PPP2R2B: variants seen among roughly 807,000 people sequenced by gnomAD.
The protein encoded by PPP2R2B is serine/threonine-protein phosphatase 2A 55 kDa regulatory subunit B beta isoform.
PPP2R2B carries 5 observed loss-of-function variants against 46.0 expected under a neutral mutation model. The ratio of observed to expected loss-of-function variants is 0.11; its 90% CI spans 0.06 to 0.23. The LOEUF (loss-of-function observed/expected upper bound fraction) is 0.23, where lower values mean the gene tolerates loss of function less well. Among genes scored for constraint, PPP2R2B ranks in the 10% least tolerant of loss-of-function variants. The pLI is 1.00. For synonymous variants in PPP2R2B, 215 were observed against 206.7 expected (o/e 1.04, Z -0.34); for missense variants, 367 against 575.0 (o/e 0.64, Z 3.70).
intron 2 of PPP2R2B, among the ~76,000 whole-genome samples, chr5:146,807,119 G>A (rs1757224594): frequency 6.6e-6 from 1 of 152,170 alleles, no homozygotes; most frequent in Non-Finnish European, 1.5e-5. Flanking sequence ...AACTGAATCT[G>A]AACTTGCATT....
chr5:146,915,234 A>T (rs925875047), intron 1 of PPP2R2B, among the ~76,000 whole-genome samples: 10 of 152,098 alleles, frequency 6.6e-5, no homozygotes, highest in African/African-American at 2.2e-4. Flanking sequence ...CCAGGAAAAA[A>T]TTTTTAAAAT....
At chr5:146,902,857 T>C (rs1485982223) in intron 1 of PPP2R2B, among the ~76,000 whole-genome samples, 2 of 152,234 alleles carry the variant, frequency 1.3e-5, no homozygotes, top group African/African-American at 4.8e-5. Context: ...TTTCTAATTA[T>C]TTTCAATGCA....
chr5:146,656,945 T>G (rs1776373817), intron 5 of PPP2R2B, among the ~76,000 whole-genome samples: 1 of 152,180 alleles, frequency 6.6e-6, no homozygotes, highest in Non-Finnish European at 1.5e-5. Context: ...CCTCTCCTCT[T>G]GGGAAATACC....
chr5:146,754,023 A>G (rs907882178), intron 2 of PPP2R2B, among the ~76,000 whole-genome samples: 1 of 152,072 alleles, frequency 6.6e-6, no homozygotes, highest in South Asian at 2.1e-4. Context: ...AGACAGGATA[A>G]TTTCTCATCA....
chr5:146,701,396 C>G (rs1779529520), intron 2 of PPP2R2B, among the ~76,000 whole-genome samples: 3 of 152,158 alleles, frequency 2.0e-5, no homozygotes, highest in Non-Finnish European at 1.5e-5. Flanking sequence ...CATTTATACC[C>G]TTTTAAGGAA....
At chr5:146,864,728 C>T (rs1003528618) in intron 2 of PPP2R2B, among the ~76,000 whole-genome samples, 1 of 152,138 alleles carries the variant, frequency 6.6e-6, no homozygotes, top group Admixed American at 6.6e-5. Context: ...GTCGAAGTAC[C>T]TGGAGCTTTG....
intron 2 of PPP2R2B, among the ~76,000 whole-genome samples, chr5:146,872,141 C>T (rs1761650490): frequency 6.6e-6 from 1 of 152,126 alleles, no homozygotes; most frequent in Non-Finnish European, 1.5e-5. Context: ...ATTATTCACC[C>T]CAGGATCATT....
intron 7 of PPP2R2B, among the ~76,000 whole-genome samples, chr5:146,632,826 A>C (rs1399114159): frequency 1.3e-5 from 2 of 152,142 alleles, no homozygotes; most frequent in Non-Finnish European, 2.9e-5. Flanking sequence ...AAAGGCCCTG[A>C]GGTGGGAAAG....
At chr5:146,697,527 T>C (rs1404823578) in intron 4 of PPP2R2B, among the ~76,000 whole-genome samples, 1 of 152,244 alleles carries the variant, frequency 6.6e-6, no homozygotes, top group Non-Finnish European at 1.5e-5. Flanking sequence ...GCTCCTATCA[T>C]AGAAGTTAAT....
intron 2 of PPP2R2B, among the ~76,000 whole-genome samples, chr5:146,723,994 G>C (rs1052561022): frequency 1.3e-5 from 2 of 152,092 alleles, no homozygotes; most frequent in African/African-American, 4.8e-5. Context: ...TTGAAGGCAG[G>C]GATGTTATCT....
chr5:146,893,882 G>A (rs1762563349), intron 1 of PPP2R2B, among the ~76,000 whole-genome samples: 2 of 121,300 alleles, frequency 1.6e-5, no homozygotes, highest in African/African-American at 6.2e-5. Context: ...AAGTAAAATT[G>A]AAAAAAAAAA....
Position 146,590,174 on chromosome 5 carries a change from T to A in PPP2R2B, c.1105A>T (p.Thr369Ser). ...GCCTCAAGGGTCACATCACGCTTGG[T>A]GTTTCTGTCGAACATCCTGAAGAAG... is the stretch of plus-strand genomic sequence containing the variant. ...NNFFRMFDRNTKRDVTLEASR... is the reference protein window; with the variant it reads ...NNFFRMFDRNSKRDVTLEASR... The change falls in exon 10 of 10, where the codon ACC (threonine) becomes TCC (serine). Residue 369 changes from threonine (T) to serine (S), a missense_variant. Transcript: ENST00000394411. The A allele has an allele frequency of 6.2e-7, 1 of 1,614,132 alleles. No homozygotes were observed. Among genetic ancestry groups the A allele is most frequent in the Non-Finnish European group, 8.5e-7 (1 of 1,180,016 alleles).
chr5:147,045,839 C>T (rs766752925), intron 1 of PPP2R2B, among the ~76,000 whole-genome samples: 6 of 152,048 alleles, frequency 3.9e-5, no homozygotes, highest in Non-Finnish European at 5.9e-5. Flanking sequence ...TCACCATGAC[C>T]CTCTGGGGAC....
At chr5:146,926,006 T>G (rs1281021087) in intron 1 of PPP2R2B, among the ~76,000 whole-genome samples, 1 of 152,108 alleles carries the variant, frequency 6.6e-6, no homozygotes, top group East Asian at 1.9e-4. Context: ...TTCAATATCC[T>G]TATTAAGAAT....
chr5:146,861,302 C>G (rs1470019908), intron 2 of PPP2R2B, among the ~76,000 whole-genome samples: 1 of 151,894 alleles, frequency 6.6e-6, no homozygotes, highest in Non-Finnish European at 1.5e-5. Context: ...ATGATCCGCC[C>G]AGCTCGGCCT....
intron 6 of PPP2R2B, among the ~76,000 whole-genome samples, chr5:146,639,042 T>C (rs1775018896): frequency 6.6e-6 from 1 of 152,250 alleles, no homozygotes; most frequent in Non-Finnish European, 1.5e-5. Context: ...GCGTTTTCCT[T>C]ATCCTCATTT....
chr5:146,667,109 TG>T (rs1777030995), intron 5 of PPP2R2B, among the ~76,000 whole-genome samples: 1 of 152,150 alleles, frequency 6.6e-6, no homozygotes, highest in Non-Finnish European at 1.5e-5. Context: ...GGTCAGAAGA[TG>T]AACAAATGAG....
At chr5:146,655,291 T>G (rs1776249718) in intron 5 of PPP2R2B, among the ~76,000 whole-genome samples, 1 of 152,160 alleles carries the variant, frequency 6.6e-6, no homozygotes, top group South Asian at 2.1e-4. Flanking sequence ...TAATCTGCAA[T>G]AAAGCTTACA....
chr5:146,893,129 T>A (rs530331286), intron 1 of PPP2R2B, among the ~76,000 whole-genome samples: 41 of 152,204 alleles, frequency 2.7e-4, no homozygotes, highest in Non-Finnish European at 5.1e-4. Flanking sequence ...CCTCGTGATG[T>A]GTTTCTCTTC....
Sources: allele counts gnomAD v4.1 joint callset (sites outside exome capture counted in the v4.1 genomes callset), GRCh38; gene constraint gnomAD v4.1.1; transcripts MANE v1.5; gene names NCBI Gene and HGNC (gene_info 2026-07-23, HGNC 2026-07-21).